NNT: variants seen among roughly 807,000 people sequenced by gnomAD.
NNT encodes nicotinamide nucleotide transhydrogenase, also known as NAD(P) transhydrogenase, mitochondrial.
Under a neutral mutation model 104.8 loss-of-function variants are expected in NNT, and 50 were observed. That is an observed-to-expected ratio of 0.48 (90% CI 0.38 to 0.60). The LOEUF (loss-of-function observed/expected upper bound fraction) is 0.60. NNT is among the 20% of genes least tolerant of loss of function. The pLI, the probability that NNT is intolerant of heterozygous loss-of-function variation, is 0.00. For synonymous variants in NNT, 461 were observed against 490.4 expected (o/e 0.94, Z 0.79); for missense variants, 1,131 against 1,330.7 (o/e 0.85, Z 2.33).
chr5:43,645,642 T>A (rs71590645), intron 10 of NNT, 132 bp downstream of exon 10: 5,279 of 157,810 alleles, frequency 0.033, 140 homozygotes, highest in East Asian at 0.099. Flanking sequence ...TATCTACACA[T>A]CTATCTATCT....
intron 18 of NNT, among the ~76,000 whole-genome samples, chr5:43,676,575 A>G (rs549519504): frequency 5.3e-5 from 8 of 152,328 alleles, no homozygotes; most frequent in Non-Finnish European, 1.0e-4. Flanking sequence ...AAGCAGATAA[A>G]TGAAATGTAC....
At chr5:43,609,911 C>T (rs1247846303) in intron 2 of NNT, among the ~76,000 whole-genome samples, 1 of 152,192 alleles carries the variant, frequency 6.6e-6, no homozygotes, top group African/African-American at 2.4e-5. Flanking sequence ...TCATCTGTCA[C>T]CTGTACTGAT....
intron 10 of NNT, 98 bp downstream of exon 10, chr5:43,645,608 T>C (rs71590644): frequency 0.036 from 17,792 of 499,758 alleles, 502 homozygotes; most frequent in East Asian, 0.11. Flanking sequence ...TATATACGTA[T>C]ATATAGATAT....
chr5:43,653,368 A>G, intron 14 of NNT, 155 bp downstream of exon 14: 1 of 668,708 alleles, frequency 1.5e-6, no homozygotes, highest in Admixed American at 3.0e-5. Flanking sequence ...TGTAATTCTC[A>G]TTCAAATACA....
chr5:43,629,137 T>C (rs987337406), intron 7 of NNT, among the ~76,000 whole-genome samples: 2 of 152,076 alleles, frequency 1.3e-5, no homozygotes, highest in African/African-American at 4.8e-5. Context: ...CAATGTTTAG[T>C]CTTTTATCCC....
chr5:43,635,260 A>T (rs1023607954), intron 7 of NNT, among the ~76,000 whole-genome samples: 9 of 152,184 alleles, frequency 5.9e-5, no homozygotes, highest in African/African-American at 2.2e-4. Flanking sequence ...ATTGATGGGC[A>T]GCTCTTTTTC....
chr5:43,618,282 C>T (rs1262517511), intron 4 of NNT, among the ~76,000 whole-genome samples: 1 of 152,082 alleles, frequency 6.6e-6, no homozygotes, highest in Non-Finnish European at 1.5e-5. Context: ...GCTTTTTGTC[C>T]TTACTTTATA....
At chr5:43,627,896 C>T (rs1750452554) in intron 6 of NNT, among the ~76,000 whole-genome samples, 1 of 152,094 alleles carries the variant, frequency 6.6e-6, no homozygotes, top group South Asian at 2.1e-4. Flanking sequence ...ACATCATCAT[C>T]CACATCGGGG....
In NNT at chr5:43,645,526, A is replaced by G; in HGVS notation, c.1444+16A>G. ...TATACAGCAGGTGAGGATACCATTT[A>G]CCAGGGTTTAGTCTTGATTGTTTGA... is the stretch of plus-strand genomic sequence containing the variant. On this transcript the variant is annotated intron_variant, in intron 10 of 21. Coordinates refer to ENST00000344920, the MANE Select transcript of NNT (RefSeq NM_182977.3). 6.8e-7 allele frequency: 1 copy of G among 1,472,782 alleles called. No individual in the cohort carries two copies. Among genetic ancestry groups the G allele is most frequent in the South Asian group, 1.5e-5 (1 of 64,724 alleles). The allele number at this position is 1,472,782 out of a possible 1,614,324, so 91.2% of individuals were successfully genotyped here. A position where few individuals can be genotyped will look rare whatever the true frequency, so the allele number is the denominator to read the frequency against.
Position 43,677,846 on chromosome 5 carries a change from G to C in NNT, c.2876+40G>C, listed in dbSNP as rs766816829. On this transcript the variant is annotated intron_variant, in intron 19 of 21. Coordinates refer to ENST00000344920, the MANE Select transcript of NNT (RefSeq NM_182977.3). ...TGGAGAGGCTTGCACTATGTGTAAA[G>C]ATGTGTGTGTGGAGAAAAGGAAATA... 19 of 1,493,386 alleles carry C rather than the reference G, an allele frequency of 1.3e-5. No homozygotes were observed. The African/African-American group carries it at 2.3e-4, about 18-fold the overall frequency. 92.5% of individuals were successfully genotyped at this position (1,493,386 alleles called of 1,614,324 possible).
At chr5:43,644,103 C>T in intron 7 of NNT, 89 bp from the exon 8 acceptor site, 11 of 1,251,616 alleles carry the variant, frequency 8.8e-6, no homozygotes, top group Non-Finnish European at 1.2e-5. Flanking sequence ...TGTTAAATTC[C>T]TGAATGCCCA....
At chr5:43,679,865 T>C (rs1220821289) in intron 19 of NNT, among the ~76,000 whole-genome samples, 1 of 151,956 alleles carries the variant, frequency 6.6e-6, no homozygotes, top group Non-Finnish European at 1.5e-5. Context: ...TTAACATAGT[T>C]CAAATAATTT....
Position 43,628,383 on chromosome 5 carries a change from T to A in NNT, c.960T>A (p.Ile320=). Reference sequence around the variant, plus strand: ...ACATCCTTATCAGCACAGCACTTATTCCAGGTATGCCATTAAGTAAACGGT... The same window carrying A: ...ACATCCTTATCAGCACAGCACTTATACCAGGTATGCCATTAAGTAAACGGT... ...EVDILISTAL[I]PGKKAPVLFN... is the part of the protein sequence containing the mutation. The change falls in exon 7 of 22, where the codon ATT becomes ATA. Residue 320 remains isoleucine (I), a synonymous_variant. Coordinates refer to ENST00000344920, the MANE Select transcript of NNT (RefSeq NM_182977.3). 6.3e-7 allele frequency: 1 copy of A among 1,592,288 alleles called. No homozygotes were observed. The highest frequency in any genetic ancestry group is 8.5e-7 in the Non-Finnish European group (1 of 1,170,032).
intron 7 of NNT, among the ~76,000 whole-genome samples, chr5:43,641,822 A>G (rs1751256920): frequency 6.6e-6 from 1 of 152,244 alleles, no homozygotes; most frequent in Non-Finnish European, 1.5e-5. Context: ...TAATAGGGAC[A>G]AAACACCCAA....
intron 19 of NNT, among the ~76,000 whole-genome samples, chr5:43,699,329 T>G (rs1742727940): frequency 6.6e-6 from 1 of 150,548 alleles, no homozygotes; most frequent in African/African-American, 2.5e-5. Context: ...ACATCATGTG[T>G]ATGACAACAT....
At chr5:43,703,193 A>G in intron 21 of NNT, among the ~76,000 whole-genome samples, 1 of 152,234 alleles carries the variant, frequency 6.6e-6, no homozygotes, top group East Asian at 1.9e-4. Flanking sequence ...AATCCAAACA[A>G]TAATGTGGCA....
intron 1 of NNT, among the ~76,000 whole-genome samples, chr5:43,605,800 A>T (rs1749192977): frequency 6.6e-6 from 1 of 152,060 alleles, no homozygotes; most frequent in African/African-American, 2.4e-5. Context: ...CCAAGAAATG[A>T]CCTCCTGATC....
chr5:43,680,025 T>G (rs1741618479), intron 19 of NNT, among the ~76,000 whole-genome samples: 1 of 151,962 alleles, frequency 6.6e-6, no homozygotes, highest in Admixed American at 6.5e-5. Flanking sequence ...TACTATAGTA[T>G]GTTGAATTTT....
chr5:43,645,369 AT>A lies in NNT; in HGVS notation c.1307del (p.Phe436SerfsTer15). The A allele has an allele frequency of 1.3e-6, 2 of 1,545,068 alleles. No individual in the cohort carries two copies. The highest frequency in any genetic ancestry group is 1.3e-5 in the South Asian group (1 of 79,846). ...GTVVMKDGKVIFPAPTPKNIP... is the reference protein window; with the variant it reads ...GTVVMKDGKVXFPAPTPKNIP... ...TAATGTCTATTAGGATGGTAAAGTG[AT>A]TTTCCCAGCTCCCACACCGAAAAAT... On this transcript the variant is annotated frameshift_variant, in exon 10 of 22. Coordinates refer to ENST00000344920, the MANE Select transcript of NNT (RefSeq NM_182977.3). LOFTEE classifies it high-confidence loss of function.
Sources: gnomAD v4.1 joint callset for allele counts (sites outside exome capture counted in the v4.1 genomes callset) on GRCh38, gnomAD v4.1.1 for gene constraint, MANE v1.5 for transcripts, NCBI Gene and HGNC (gene_info 2026-07-23, HGNC 2026-07-21) for gene names.